Variants in RERE observed in about 807,000 individuals in gnomAD.
The protein encoded by RERE is arginine-glutamic acid dipeptide repeats, also known as arginine-glutamic acid dipeptide repeats protein.
A neutral mutation model predicts 146.1 loss-of-function variants in RERE; 40 were observed. That is an observed-to-expected ratio of 0.27 (90% CI 0.21 to 0.36). The LOEUF (loss-of-function observed/expected upper bound fraction) is 0.36, where lower values mean the gene tolerates loss of function less well. Among genes scored for constraint, RERE ranks in the 10% least tolerant of loss-of-function variants. The pLI, the probability that RERE is intolerant of heterozygous loss-of-function variation, is 1.00. For missense variants in RERE, 1,933 were observed against 2,138.7 expected (o/e 0.90, Z 1.90); for synonymous variants, 1,003 against 866.0 (o/e 1.16, Z -2.78).
intron 10 of RERE, among the ~76,000 whole-genome samples, chr1:8,487,858 G>A (rs1644923683): frequency 6.6e-6 from 1 of 152,120 alleles, no homozygotes; most frequent in African/African-American, 2.4e-5. Context: ...TAAAATTTTA[G>A]TTACAACAGA....
At position 8,605,745 on chromosome 1, in the gene RERE, C is replaced by CAAAAAAA. The variant is rs564574812; in HGVS notation, c.522+8809_522+8815dup. 1.1e-3 allele frequency among the ~76,000 whole-genome samples: 69 copies of CAAAAAAA among 64,516 alleles called. 1 individual carries two copies. The highest frequency in any genetic ancestry group is 1.8e-3 in the Admixed American group (6 of 3,316). 42.3% of individuals were successfully genotyped at this position (64,516 alleles called of 152,430 possible). A position where few individuals can be genotyped will look rare whatever the true frequency, so the allele number is the denominator to read the frequency against. On this transcript the variant is annotated intron_variant, in intron 4 of 22. Transcript: ENST00000400908. The stretch of plus-strand genomic sequence containing the variant: ...GGGCAACAGAGCAAGACCCCATCTC[C>CAAAAAAA]AAAAAAAAAAAAAAAAAAAAAAAAA...
intron 4 of RERE, among the ~76,000 whole-genome samples, chr1:8,601,762 CACACACACACACACAA>C (rs1341151669): frequency 3.3e-5 from 5 of 151,464 alleles, no homozygotes; most frequent in African/African-American, 9.7e-5. Flanking sequence ...CACACACACA[CACACACACACACACAA>C]ACACACACAC....
chr1:8,732,197 C>T (rs1640101231), intron 1 of RERE, among the ~76,000 whole-genome samples: 1 of 152,206 alleles, frequency 6.6e-6, no homozygotes, highest in South Asian at 2.1e-4. Context: ...ATACAAAAAT[C>T]TGCACAAATT....
At chr1:8,510,912 T>C (rs765733506) in intron 7 of RERE, among the ~76,000 whole-genome samples, 1 of 152,150 alleles carries the variant, frequency 6.6e-6, no homozygotes, top group Non-Finnish European at 1.5e-5. Flanking sequence ...AGAAAAAACA[T>C]TCCTGCTTGA....
At chr1:8,672,184 G>GT (rs1043325885) in intron 1 of RERE, among the ~76,000 whole-genome samples, 31 of 151,906 alleles carry the variant, frequency 2.0e-4, no homozygotes, top group Non-Finnish European at 4.3e-4. Flanking sequence ...TTTTTTGTTT[G>GT]TTTTTTTGAG....
In RERE at chr1:8,756,171, T is replaced by C. The variant is rs530549605; in HGVS notation, c.-145+60989A>G. Among the ~76,000 whole-genome samples, 28 of 152,230 alleles carry C rather than the reference T, an allele frequency of 1.8e-4. 1 individual carries two copies. In the South Asian group the frequency reaches 5.6e-3, roughly 30 times the overall value. ...AATTTAAAAATAAAGTAAAAAATAA[T>C]CAAATTGTCAATTTTATAATAACTA... On this transcript the variant is annotated intron_variant, in intron 1 of 22. Transcript: ENST00000400908.
chr1:8,550,266 A>C (rs978327226), intron 6 of RERE, among the ~76,000 whole-genome samples: 1 of 152,238 alleles, frequency 6.6e-6, no homozygotes, highest in Admixed American at 6.5e-5. Flanking sequence ...CCCATCACCA[A>C]ATATAGAGCC....
intron 10 of RERE, among the ~76,000 whole-genome samples, chr1:8,482,676 T>C (rs1185655979): frequency 2.8e-5 from 3 of 108,878 alleles, no homozygotes; most frequent in Non-Finnish European, 5.3e-5. Flanking sequence ...AGTGAGATTC[T>C]GTTGCAAAAA....
At chr1:8,760,875 G>A (rs943666389) in intron 1 of RERE, among the ~76,000 whole-genome samples, 21 of 152,142 alleles carry the variant, frequency 1.4e-4, no homozygotes, top group African/African-American at 4.6e-4. Flanking sequence ...ACCATTTATG[G>A]AGCACTTCTT....
chr1:8,644,368 C>T (rs958799148), intron 2 of RERE, among the ~76,000 whole-genome samples: 2 of 152,120 alleles, frequency 1.3e-5, no homozygotes, highest in Non-Finnish European at 2.9e-5. Context: ...CAGTAGTTCC[C>T]GCCAACCAAG....
chr1:8,573,765 G>T (rs536534212), intron 4 of RERE, among the ~76,000 whole-genome samples: 2 of 152,294 alleles, frequency 1.3e-5, no homozygotes, highest in Admixed American at 1.3e-4. Flanking sequence ...GGCTAAAAAA[G>T]TTTATGTCTA....
intron 1 of RERE, among the ~76,000 whole-genome samples, chr1:8,660,348 T>C (rs1273021829): frequency 4.0e-5 from 6 of 151,840 alleles, no homozygotes; most frequent in African/African-American, 9.7e-5. Context: ...AGAAGGAGAG[T>C]TGTCACTTCA....
chr1:8,638,142 A>G (rs1376201697), intron 2 of RERE, among the ~76,000 whole-genome samples: 1 of 152,234 alleles, frequency 6.6e-6, no homozygotes, highest in Non-Finnish European at 1.5e-5. Context: ...ACTTATCATA[A>G]TATAAAAAAC....
At chr1:8,375,793 C>A (rs35728756) in intron 12 of RERE, among the ~76,000 whole-genome samples, 1 of 150,238 alleles carries the variant, frequency 6.7e-6, no homozygotes, top group Non-Finnish European at 1.5e-5. Context: ...ACTGAAAATG[C>A]TTCCTCACTC....
At chr1:8,380,422 C>G (rs1642406067) in intron 12 of RERE, among the ~76,000 whole-genome samples, 1 of 151,738 alleles carries the variant, frequency 6.6e-6, no homozygotes, top group Non-Finnish European at 1.5e-5. Context: ...GGTCTCAGCT[C>G]ACTGCAACCT....
chr1:8,766,112 A>AAAC (rs777274448), intron 1 of RERE, among the ~76,000 whole-genome samples: 2 of 152,084 alleles, frequency 1.3e-5, no homozygotes, highest in Non-Finnish European at 2.9e-5. Flanking sequence ...CTGCATCTCA[A>AAAC]AACAACAACA....
In RERE at chr1:8,353,488, GAA is replaced by G. The variant is rs1255542472; in HGVS notation, c.*1597_*1598del. ...TTGGGATGGGACCAGCACAATGGCA[GAA>G]GAGACCTCCAGTGTCTGAGAGAAAA... On this transcript the variant is annotated 3_prime_UTR_variant, in exon 23 of 23. Transcript: ENST00000400908. 1.3e-5 allele frequency: 2 copies of G among 152,274 alleles called. No individual in the cohort carries two copies. Among genetic ancestry groups the G allele is most frequent in the Non-Finnish European group, 2.9e-5 (2 of 68,078 alleles). The allele number at this position is 152,274 out of a possible 1,614,324, so 9.4% of individuals were successfully genotyped here. A position where few individuals can be genotyped will look rare whatever the true frequency, so the allele number is the denominator to read the frequency against.
At chr1:8,387,771 TAA>T (rs1168518042) in intron 12 of RERE, among the ~76,000 whole-genome samples, 1 of 152,256 alleles carries the variant, frequency 6.6e-6, no homozygotes, top group Admixed American at 6.5e-5. Flanking sequence ...GTAAGCATTT[TAA>T]GGTCTGATTC....
At chr1:8,538,970 CA>C (rs1645762601) in intron 7 of RERE, among the ~76,000 whole-genome samples, 1 of 152,148 alleles carries the variant, frequency 6.6e-6, no homozygotes, top group African/African-American at 2.4e-5. Flanking sequence ...GCCTGGTTTA[CA>C]AAGGTAAGTT....
Sources: gnomAD v4.1 joint callset for allele counts (sites outside exome capture counted in the v4.1 genomes callset) on GRCh38, gnomAD v4.1.1 for gene constraint, MANE v1.5 for transcripts, NCBI Gene and HGNC (gene_info 2026-07-23, HGNC 2026-07-21) for gene names.